DACH1: variants seen among roughly 807,000 people sequenced by gnomAD.
DACH1 encodes dachshund family transcription factor 1.
DACH1 carries 12 observed loss-of-function variants against 54.2 expected under a neutral mutation model. The ratio of observed to expected loss-of-function variants is 0.22; its 90% CI spans 0.14 to 0.36. The LOEUF is 0.36. Ranked by LOEUF, DACH1 falls within the 10% of genes least tolerant of loss-of-function variation. The pLI is 1.00. For missense variants in DACH1, 805 were observed against 929.8 expected (o/e 0.87, Z 1.75); for synonymous variants, 386 against 366.2 (o/e 1.05, Z -0.62).
At chr13:71,864,211 ACAC>A (rs145223103) in intron 1 of DACH1, among the ~76,000 whole-genome samples, 4,195 of 113,008 alleles carry the variant, frequency 0.037, 199 homozygotes, top group African/African-American at 0.14. Context: ...ACACACACAC[ACAC>A]AACATTTACC....
At chr13:71,557,271 T>C (rs1884316563) in intron 5 of DACH1, 113 bp from the exon 6 acceptor site, 4 of 714,308 alleles carry the variant, frequency 5.6e-6, no homozygotes, top group Non-Finnish European at 8.0e-6. Context: ...ATAATATTAA[T>C]ATAATGGTCT....
rs190614206 is a variant in DACH1, at chr13:71,440,704, C to G, written c.2084-12G>C. The G allele has an allele frequency of 6.3e-7, 1 of 1,593,626 alleles. No individual in the cohort carries two copies. The highest frequency in any genetic ancestry group is 8.6e-7 in the Non-Finnish European group (1 of 1,168,220). On this transcript the variant is annotated splice_polypyrimidine_tract_variant and intron_variant, in intron 10 of 10. Transcript: ENST00000613252. ...ATACAGTCTTCCATCTAGAAATGAA[C>G]AGTGAAAAATTAATTAATGGCATGG...
At chr13:71,704,740 C>G (rs2138760112) in intron 1 of DACH1, 1 of 163,304 alleles carries the variant, frequency 6.1e-6, no homozygotes, top group Middle Eastern at 3.0e-3. Context: ...GTCCCCTCCC[C>G]CCAAGAAATA....
At chr13:71,763,835 T>C (rs1018098826) in intron 1 of DACH1, among the ~76,000 whole-genome samples, 3 of 152,218 alleles carry the variant, frequency 2.0e-5, no homozygotes, top group Non-Finnish European at 2.9e-5. Context: ...TAACACATGT[T>C]TGCAGATTTA....
At chr13:71,720,205 G>A (rs1023104539) in intron 1 of DACH1, among the ~76,000 whole-genome samples, 2 of 152,230 alleles carry the variant, frequency 1.3e-5, no homozygotes, top group African/African-American at 4.8e-5. Context: ...GTCTGATCAG[G>A]AAAGCAAAGG....
intron 1 of DACH1, among the ~76,000 whole-genome samples, chr13:71,737,806 T>TG (rs1884205965): frequency 6.6e-6 from 1 of 152,136 alleles, no homozygotes; most frequent in Non-Finnish European, 1.5e-5. Flanking sequence ...AAAATGAAGT[T>TG]ATAATCAACA....
At chr13:71,473,482 C>A (rs1877260039) in intron 10 of DACH1, among the ~76,000 whole-genome samples, 1 of 152,158 alleles carries the variant, frequency 6.6e-6, no homozygotes, top group Non-Finnish European at 1.5e-5. Context: ...CAGCCTCATA[C>A]AGCAAGACTT....
chr13:71,590,967 C>T (rs976188735), intron 3 of DACH1, among the ~76,000 whole-genome samples: 1 of 149,720 alleles, frequency 6.7e-6, no homozygotes, highest in Admixed American at 6.7e-5. Flanking sequence ...CAGCCTCTGC[C>T]TCCCAGGTTC....
At position 71,517,616 on chromosome 13, in the gene DACH1, G is replaced by A. The variant is rs150961644; in HGVS notation, c.1571-28468C>T. On this transcript the variant is annotated intron_variant, in intron 6 of 10. Coordinates refer to ENST00000613252, the MANE Select transcript of DACH1 (RefSeq NM_080759.6). Reference sequence around the variant, plus strand: ...TGCACATGATAAATACCAAATAAACGTTAAGGAAATAAGTAGTCCAATGTT... The same window carrying A: ...TGCACATGATAAATACCAAATAAACATTAAGGAAATAAGTAGTCCAATGTT... Among the ~76,000 whole-genome samples, 86 of 151,868 alleles carry A rather than the reference G, an allele frequency of 5.7e-4. No homozygotes were observed. In the East Asian group the frequency reaches 5.8e-3, roughly 10 times the overall value.
intron 1 of DACH1, among the ~76,000 whole-genome samples, chr13:71,726,520 AT>A (rs1403144982): frequency 6.6e-6 from 1 of 152,014 alleles, no homozygotes; most frequent in East Asian, 1.9e-4. Context: ...AAATAAAGTG[AT>A]TTTTTTGTCA....
At chr13:71,832,632 T>G (rs1888635950) in intron 1 of DACH1, among the ~76,000 whole-genome samples, 1 of 151,928 alleles carries the variant, frequency 6.6e-6, no homozygotes. Context: ...TAGAACTACC[T>G]AAATTTTTTT....
intron 1 of DACH1, among the ~76,000 whole-genome samples, chr13:71,783,612 T>A (rs2138073178): frequency 6.6e-6 from 1 of 152,208 alleles, no homozygotes. Context: ...CCCAAGAGCA[T>A]TGCCTTTAGT....
chr13:71,556,099 G>C (rs949888983), intron 6 of DACH1, among the ~76,000 whole-genome samples: 1 of 151,976 alleles, frequency 6.6e-6, no homozygotes, highest in Admixed American at 6.6e-5. Context: ...GTGGGAAGAA[G>C]GTACCCCTCC....
At chr13:71,617,770 C>A (rs1875892592) in intron 3 of DACH1, among the ~76,000 whole-genome samples, 1 of 152,082 alleles carries the variant, frequency 6.6e-6, no homozygotes, top group African/African-American at 2.4e-5. Context: ...AAATTGAGCT[C>A]TTTTCACTCA....
chr13:71,573,125 T>A, intron 3 of DACH1, 113 bp from the exon 4 acceptor site: 1 of 1,098,368 alleles, frequency 9.1e-7, no homozygotes, highest in South Asian at 1.7e-5. Flanking sequence ...TTTTTCCTCT[T>A]CATATGCAAA....
chr13:71,750,460 C>G (rs1566478147), intron 1 of DACH1, among the ~76,000 whole-genome samples: 1 of 152,108 alleles, frequency 6.6e-6, no homozygotes, highest in Non-Finnish European at 1.5e-5. Flanking sequence ...GTTAGCATTT[C>G]AAGTAAATGT....
intron 1 of DACH1, among the ~76,000 whole-genome samples, chr13:71,755,386 G>A (rs1340424948): frequency 6.6e-6 from 1 of 152,166 alleles, no homozygotes; most frequent in Non-Finnish European, 1.5e-5. Context: ...TCTCTTTCAA[G>A]TTTAAATTGT....
chr13:71,595,979 G>A (rs952784403), intron 3 of DACH1, among the ~76,000 whole-genome samples: 2 of 152,066 alleles, frequency 1.3e-5, no homozygotes, highest in African/African-American at 4.8e-5. Flanking sequence ...CAGATTTGGG[G>A]TAAGAGGTCC....
intron 7 of DACH1, among the ~76,000 whole-genome samples, chr13:71,485,575 CTTTTTTTTTTTT>C (rs68024614): frequency 2.2e-5 from 1 of 46,150 alleles, no homozygotes; most frequent in Non-Finnish European, 3.9e-5. Flanking sequence ...TTCTTTTCTT[CTTTTTTTTTTTT>C]TTTTTTTTTT....
Sources: allele counts gnomAD v4.1 joint callset (sites outside exome capture counted in the v4.1 genomes callset), GRCh38; gene constraint gnomAD v4.1.1; transcripts MANE v1.5; gene names NCBI Gene and HGNC (gene_info 2026-07-23, HGNC 2026-07-21).